Variants in APLP1 observed in about 807,000 individuals in gnomAD.
APLP1 encodes the protein amyloid beta (A4) precursor-like protein 1.
Under a neutral mutation model 84.5 loss-of-function variants are expected in APLP1, and 46 were observed. The observed-to-expected ratio is 0.54, with a 90% confidence interval of 0.43 to 0.70. The LOEUF is 0.70. APLP1 is among the 30% of genes least tolerant of loss of function. The probability of loss-of-function intolerance (pLI) is 0.00; values close to 1 mark genes in which losing one functional copy is unlikely to be tolerated. For synonymous variants in APLP1, 376 were observed against 364.0 expected, an observed-to-expected ratio of 1.03 and a Z score of -0.38; for missense variants, 826 against 900.2, an observed-to-expected ratio of 0.92 and a Z score of 1.05.
chr19:35,876,094 C>T (rs187152473), intron 10 of APLP1, among the ~76,000 whole-genome samples: 3 of 152,328 alleles, frequency 2.0e-5, no homozygotes, highest in East Asian at 3.9e-4. Context: ...CTTCTTGTTC[C>T]TTGAACCCTC....
chr19:35,872,365 G>A (rs1039959462), intron 6 of APLP1, 118 bp from the exon 7 acceptor site: 58 of 1,373,214 alleles, frequency 4.2e-5, no homozygotes, highest in Middle Eastern at 2.7e-4. Flanking sequence ...AGGCAGCAGC[G>A]GTGGCTAAAC....
chr19:35,869,725 T>A lies in APLP1; in HGVS notation c.206T>A (p.Leu69Gln). ...GGGCGCCTAACCCTTCACCGGGACC[T>A]GCGCACCGGCCGCTGGGAACCAGAC... Reference protein sequence around the residue: ...LCGRLTLHRDLRTGRWEPDPQ... With the variant: ...LCGRLTLHRDQRTGRWEPDPQ... Residue 69 changes from leucine (L) to glutamine (Q), a missense_variant, in exon 2 of 17, where the codon CTG (leucine) becomes CAG (glutamine). By Grantham distance (113) the Leu-to-Gln change is moderately radical. Coordinates refer to ENST00000221891, the MANE Select transcript of APLP1 (RefSeq NM_001024807.3). The A allele has an allele frequency of 6.2e-7, 1 of 1,611,414 alleles. No homozygotes were observed. The highest frequency in any genetic ancestry group is 8.5e-7 in the Non-Finnish European group (1 of 1,179,416).
intron 8 of APLP1, 84 bp downstream of exon 8, chr19:35,873,797 C>T: frequency 7.6e-7 from 1 of 1,309,866 alleles, no homozygotes; most frequent in South Asian, 1.2e-5. Flanking sequence ...CTGTGCCCTG[C>T]CCATCCAGTT....
intron 6 of APLP1, among the ~76,000 whole-genome samples, chr19:35,872,242 G>A (rs537405888): frequency 1.3e-5 from 2 of 152,198 alleles, no homozygotes; most frequent in South Asian, 2.1e-4. Context: ...GGGAGTAGAG[G>A]GGCCATTGGG....
In APLP1 at chr19:35,878,886, C is replaced by A. The variant is rs1974342274; in HGVS notation, c.1651-4C>A. 6.2e-7 allele frequency: 1 copy of A among 1,614,082 alleles called. No homozygotes were observed. Among genetic ancestry groups the A allele is most frequent in the East Asian group, 2.2e-5 (1 of 44,878 alleles). ...TGGGTTCCTGACACCTCCTGCTCCCCCAGGTGAATGCGTCTGTTCCAAGGG... is the reference window on the plus strand; with the variant it reads ...TGGGTTCCTGACACCTCCTGCTCCCACAGGTGAATGCGTCTGTTCCAAGGG... On this transcript the variant is annotated splice_region_variant and splice_polypyrimidine_tract_variant and intron_variant, in intron 14 of 16. Transcript: ENST00000221891.
chr19:35,876,818 C>T lies in APLP1; in HGVS notation c.1444+202C>T, dbSNP rs116046765. ...CAGAGTGGTTCTTTCAGTGGTCTTG[C>T]CAGTGGTCAAGCATGCAGCTGTATT... On this transcript the variant is annotated intron_variant, in intron 11 of 16. Coordinates refer to ENST00000221891, the MANE Select transcript of APLP1 (RefSeq NM_001024807.3). Among the ~76,000 whole-genome samples the T allele has an allele frequency of 5.7e-3, 871 of 152,314 alleles. 7 individuals are homozygous for T. The highest frequency in any genetic ancestry group is 0.015 in the African/African-American group (637 of 41,574).
At chr19:35,871,197 C>T (rs1298104713) in intron 3 of APLP1, 40 bp from the exon 4 acceptor site, 1 of 1,591,382 alleles carries the variant, frequency 6.3e-7, no homozygotes. Flanking sequence ...GGGTTGGTGG[C>T]TATAGGAGGA....
At chr19:35,878,407 G>A (rs1974330603) in intron 13 of APLP1, 177 bp from the exon 14 acceptor site, 2 of 670,670 alleles carry the variant, frequency 3.0e-6, no homozygotes, top group Non-Finnish European at 5.2e-6. Flanking sequence ...TTACCTGGGT[G>A]TGGTGGGGCA....
rs774613845 is a variant in APLP1, at chr19:35,869,726, G to C, written c.207G>C (p.Leu69=). 12 of 1,611,412 alleles carry C rather than the reference G, an allele frequency of 7.4e-6. No homozygotes were observed. The highest frequency in any genetic ancestry group is 1.3e-5 in the African/African-American group (1 of 74,898). The part of the protein sequence containing the change: ...LCGRLTLHRD[L]RTGRWEPDPQ... ...GGCGCCTAACCCTTCACCGGGACCTGCGCACCGGCCGCTGGGAACCAGACC... is the reference window on the plus strand; with the variant it reads ...GGCGCCTAACCCTTCACCGGGACCTCCGCACCGGCCGCTGGGAACCAGACC... Residue 69 remains leucine (L), a synonymous_variant, in exon 2 of 17, where the codon CTG becomes CTC. Coordinates refer to ENST00000221891, the MANE Select transcript of APLP1 (RefSeq NM_001024807.3).
chr19:35,878,372 C>T (rs1974329968), intron 13 of APLP1: 2 of 641,658 alleles, frequency 3.1e-6, no homozygotes, highest in Non-Finnish European at 5.4e-6. Context: ...ATAATGAGAC[C>T]CTGTACCTAC....
rs1239129595 is a variant in APLP1 at position 35,878,609 on chromosome 19, C to G, written c.1605C>G (p.Ser535=). 2.5e-6 allele frequency: 4 copies of G among 1,613,734 alleles called. No individual in the cohort carries two copies. In the East Asian group the frequency reaches 8.9e-5, roughly 36 times the overall value. ...PKGSTEQDAA[S]PEKEKMNPLE... is the part of the protein sequence containing the mutation. Reference sequence around the variant, plus strand: ...GGTCCACAGAACAAGATGCTGCATCCCCTGAGAAAGAGAAGATGAACCCGC... The same window carrying G: ...GGTCCACAGAACAAGATGCTGCATCGCCTGAGAAAGAGAAGATGAACCCGC... The change falls in exon 14 of 17, where the codon TCC becomes TCG. Residue 535 remains serine, a synonymous_variant. Transcript: ENST00000221891.
chr19:35,877,784 G>T lies in APLP1; in HGVS notation c.1511G>T (p.Ser504Ile), dbSNP rs993371610. Residue 504 changes from serine to isoleucine, a missense_variant, in exon 12 of 17, where the codon AGC (serine) becomes ATC (isoleucine). Ser to Ile is a moderately radical substitution (Grantham distance 142). Transcript: ENST00000221891. ...ELEAPAPGGS[S>I]EDKGGLQPPD... ...GAAGCCCCTGCCCCTGGGGGCAGCA[G>T]CGAGGACAAGGGTGGGCTGCAGCCT... 2 of 1,610,688 alleles carry T rather than the reference G, an allele frequency of 1.2e-6. No homozygotes were observed. Among genetic ancestry groups the T allele is most frequent in the Admixed American group, 1.7e-5 (1 of 58,672 alleles).
At chr19:35,871,216 T>C (rs370312670) in intron 3 of APLP1, 21 bp from the exon 4 acceptor site, 1 of 1,607,710 alleles carries the variant, frequency 6.2e-7, no homozygotes, top group Non-Finnish European at 8.5e-7. Flanking sequence ...GATCTCACCC[T>C]GGTGTCCCGT....
chr19:35,869,493 GC>G, intron 1 of APLP1, 173 bp from the exon 2 acceptor site: 1 of 899,240 alleles, frequency 1.1e-6, no homozygotes. Context: ...GAGCGCTGGG[GC>G]GCCCCCGCCC....
Position 35,871,082 on chromosome 19 carries a change from G to C in APLP1, c.424+54G>C, listed in dbSNP as rs572691220. ...GAGGTGGGAGTTTCTGAGGGGCAAG[G>C]TTCTGAGCCCCTCTCTCAGGCCTAC... On this transcript the variant is annotated intron_variant, in intron 3 of 16. Coordinates refer to ENST00000221891, the MANE Select transcript of APLP1 (RefSeq NM_001024807.3). 328 of 1,502,778 alleles carry C rather than the reference G, an allele frequency of 2.2e-4. 3 individuals are homozygous for C. In the African/African-American group the frequency reaches 4.2e-3, roughly 19 times the overall value. The allele number at this position is 1,502,778 out of a possible 1,614,324, so 93.1% of individuals were successfully genotyped here.
rs11550993 is a variant in APLP1 at position 35,872,558 on chromosome 19, G to A, written c.926G>A (p.Gly309Glu). Residue 309 changes from glycine (G) to glutamate (E), a missense_variant, in exon 7 of 17, where the codon GGG becomes GAG. By Grantham distance (98) the Gly-to-Glu change is moderately conservative (BLOSUM62 -2). This residue lies in a region of APLP1 where 433 missense variants were observed against 496.5 expected (regional missense o/e 0.87). Coordinates refer to ENST00000221891, the MANE Select transcript of APLP1 (RefSeq NM_001024807.3). The part of the protein sequence containing the change: ...GMPGEISEHE[G>E]FLRAKMDLEE... ...CCTGGGGAAATCAGTGAGCACGAGGGGTTCCTGAGGGCCAAGATGGACCTG... is the reference window on the plus strand; with the variant it reads ...CCTGGGGAAATCAGTGAGCACGAGGAGTTCCTGAGGGCCAAGATGGACCTG... The A allele has an allele frequency of 1.2e-6, 2 of 1,613,938 alleles. No individual in the cohort carries two copies. Among genetic ancestry groups the A allele is most frequent in the Non-Finnish European group, 8.5e-7 (1 of 1,179,944 alleles).
chr19:35,879,145 C>T lies in APLP1; in HGVS notation c.1785C>T (p.Ser595=), dbSNP rs1314076675. The T allele has an allele frequency of 6.2e-7, 1 of 1,612,544 alleles. No individual in the cohort carries two copies. Among genetic ancestry groups the T allele is most frequent in the Non-Finnish European group, 8.5e-7 (1 of 1,179,992 alleles). The change falls in exon 16 of 17, where the codon TCC becomes TCT. Residue 595 remains serine (S), a synonymous_variant. Coordinates refer to ENST00000221891, the MANE Select transcript of APLP1 (RefSeq NM_001024807.3). ...TGATCATGGGAGCGGGCGGAGGCTC[C>T]CTCATCGTCCTCTCCATGCTGCTCC... ...GLLIMGAGGG[S]LIVLSMLLLR...
Position 35,879,368 on chromosome 19 carries a change from A to G in APLP1, c.1883A>G (p.Glu628Gly). Residue 628 changes from glutamate (E) to glycine (G), a missense_variant, in exon 17 of 17, where the codon GAG becomes GGG. By Grantham distance (98) the Glu-to-Gly change is moderately conservative (BLOSUM62 -2). Transcript: ENST00000221891. The part of the protein sequence containing the change: ...VEVDPMLTLE[E>G]QQLRELQRHG... ...GTGGACCCCATGCTGACCCTGGAGG[A>G]GCAGCAGCTCCGCGAACTGCAGCGG... 5.6e-6 allele frequency: 9 copies of G among 1,613,880 alleles called. No homozygotes were observed. Among genetic ancestry groups the G allele is most frequent in the Non-Finnish European group, 7.6e-6 (9 of 1,179,984 alleles).
Position 35,878,126 on chromosome 19 carries a change from A to G in APLP1, c.1579+18A>G. The G allele has an allele frequency of 6.2e-7, 1 of 1,610,666 alleles. No homozygotes were observed. The highest frequency in any genetic ancestry group is 1.1e-5 in the South Asian group (1 of 90,678). ...TCCAAAAGGTGAGTGTCTCACAGTT[A>G]ACCCCAGCCTCCAAATCCCACTGAA... On this transcript the variant is annotated intron_variant, in intron 13 of 16. Transcript: ENST00000221891.
Sources: allele counts gnomAD v4.1 joint callset (sites outside exome capture counted in the v4.1 genomes callset), GRCh38; gene constraint gnomAD v4.1.1; regional missense constraint gnomAD v4.1.1; transcripts MANE v1.5; gene names NCBI Gene and HGNC (gene_info 2026-07-23, HGNC 2026-07-21).